Variants in HDX observed in about 807,000 individuals in gnomAD.
HDX encodes highly divergent homeobox.
A neutral mutation model predicts 45.2 loss-of-function variants in HDX; 19 were observed. That is an observed-to-expected ratio of 0.42 (90% CI 0.29 to 0.62). HDX has a LOEUF of 0.62. Among genes scored for constraint, HDX ranks in the 20% least tolerant of loss-of-function variants. The pLI, the probability that HDX is intolerant of heterozygous loss-of-function variation, is 0.20. For missense variants in HDX, 532 were observed against 493.9 expected (o/e 1.08, Z -0.73); for synonymous variants, 188 against 172.8 (o/e 1.09, Z -0.69).
intron 6 of HDX, among the ~76,000 whole-genome samples, chrX:84,356,783 T>G (rs774625409): frequency 1.8e-5 from 2 of 109,611 alleles, no homozygotes; most frequent in Non-Finnish European, 3.8e-5. Context: ...CCACCACGCC[T>G]GGCTAATTTT....
intron 4 of HDX, among the ~76,000 whole-genome samples, chrX:84,459,963 A>G (rs1277470780): frequency 1.8e-5 from 2 of 111,591 alleles, no homozygotes; most frequent in East Asian, 2.8e-4. Flanking sequence ...TTCTAGATAC[A>G]TACAACCTAC....
chrX:84,426,025 C>T lies in HDX; in HGVS notation c.1305+14507G>A, dbSNP rs892043879. On this transcript the variant is annotated intron_variant, in intron 5 of 10. Transcript: ENST00000373177. ...GAGAGTTTGGATACTCCATTCTATA[C>T]GATGTGATTATTAAGCATTGCATGC... Among the ~76,000 whole-genome samples the T allele has an allele frequency of 9.9e-5, 11 of 110,929 alleles. No homozygotes were observed. The South Asian group carries it at 1.1e-3, about 11-fold the overall frequency.
intron 9 of HDX, among the ~76,000 whole-genome samples, chrX:84,331,808 C>A (rs1192265921): frequency 9.0e-6 from 1 of 111,525 alleles, no homozygotes; most frequent in Non-Finnish European, 1.9e-5. Context: ...CAGTGACATG[C>A]TGTACAGGTT....
At chrX:84,475,951 G>A (rs1483738075) in intron 2 of HDX, among the ~76,000 whole-genome samples, 1 of 111,765 alleles carries the variant, frequency 8.9e-6, no homozygotes, top group African/African-American at 3.2e-5. Context: ...TAGTGACTGT[G>A]AACATTTCTG....
intron 4 of HDX, among the ~76,000 whole-genome samples, chrX:84,446,627 C>A (rs2039880375): frequency 9.0e-6 from 1 of 110,964 alleles, no homozygotes; most frequent in African/African-American, 3.3e-5. Flanking sequence ...AAGAAGTAAG[C>A]AAGATGAAGG....
chrX:84,356,506 A>C (rs1040284530), intron 6 of HDX, among the ~76,000 whole-genome samples: 1 of 110,873 alleles, frequency 9.0e-6, no homozygotes, highest in Non-Finnish European at 1.9e-5. Flanking sequence ...TGTATATAGT[A>C]ATGCCAAAGG....
chrX:84,423,576 CA>C (rs1300978563), intron 5 of HDX, among the ~76,000 whole-genome samples: 1 of 108,272 alleles, frequency 9.2e-6, no homozygotes, highest in East Asian at 2.9e-4. Context: ...AAAACACTAG[CA>C]AACTAAATTC....
chrX:84,422,280 G>A (rs1402123884), intron 5 of HDX, among the ~76,000 whole-genome samples: 1 of 111,990 alleles, frequency 8.9e-6, no homozygotes, highest in Non-Finnish European at 1.9e-5. Flanking sequence ...TGACATGTTG[G>A]TCAATGAAGA....
intron 2 of HDX, among the ~76,000 whole-genome samples, chrX:84,480,461 G>C (rs2040652719): frequency 9.0e-6 from 1 of 111,551 alleles, no homozygotes. Flanking sequence ...TCACCATTAA[G>C]TATGATGTTC....
chrX:84,500,313 A>G (rs2041092079), intron 1 of HDX: 1 of 110,401 alleles, frequency 9.1e-6, no homozygotes, highest in Non-Finnish European at 1.9e-5. Context: ...TTCTAGGGGA[A>G]AAAAAAAGAA....
chrX:84,421,386 G>A (rs1207782934), intron 5 of HDX, among the ~76,000 whole-genome samples: 1 of 111,385 alleles, frequency 9.0e-6, no homozygotes, highest in African/African-American at 3.3e-5. Context: ...TTATAAAATA[G>A]TATTTGAATG....
chrX:84,479,452 C>A (rs1309775092), intron 2 of HDX, among the ~76,000 whole-genome samples: 1 of 111,899 alleles, frequency 8.9e-6, no homozygotes. Context: ...GTTAATTCAT[C>A]CACTGAAGGA....
intron 4 of HDX, among the ~76,000 whole-genome samples, chrX:84,462,901 A>G (rs2040270397): frequency 9.0e-6 from 1 of 111,168 alleles, no homozygotes. Context: ...AAAACATCAT[A>G]CTAATTGAAA....
intron 5 of HDX, among the ~76,000 whole-genome samples, chrX:84,439,274 T>TAA (rs2039709028): frequency 8.9e-6 from 1 of 111,833 alleles, no homozygotes; most frequent in Admixed American, 9.5e-5. Flanking sequence ...TTGATTTGTT[T>TAA]AAGTTCCTTG....
chrX:84,420,902 C>A (rs1249012060), intron 5 of HDX, among the ~76,000 whole-genome samples: 1 of 111,737 alleles, frequency 8.9e-6, no homozygotes, highest in East Asian at 2.8e-4. Context: ...AAACTTTTAA[C>A]CTGGAATAGT....
At position 84,318,941 on chromosome X, in the gene HDX, C is replaced by A. The variant is rs1419730474; in HGVS notation, c.*2948G>T. The A allele has an allele frequency of 9.0e-6, 1 of 110,667 alleles. No individual in the cohort carries two copies. Among genetic ancestry groups the A allele is most frequent in the Non-Finnish European group, 1.9e-5 (1 of 52,417 alleles). The allele number at this position is 110,667 out of a possible 1,213,427, so 9.1% of individuals were successfully genotyped here. A position where few individuals can be genotyped will look rare whatever the true frequency, so the allele number is the denominator to read the frequency against. ...GTGCTAATTTTCCTATTCTCCAGAG[C>A]AATTGCAATTCTCATTTTCTTGTGA... is the stretch of plus-strand genomic sequence containing the variant. On this transcript the variant is annotated 3_prime_UTR_variant, in exon 11 of 11. Coordinates refer to ENST00000373177, the MANE Select transcript of HDX (RefSeq NM_001177479.2).
At chrX:84,387,621 C>T (rs1316763744) in intron 5 of HDX, among the ~76,000 whole-genome samples, 1 of 111,844 alleles carries the variant, frequency 8.9e-6, no homozygotes, top group Admixed American at 9.5e-5. Context: ...TCTGTTTTAT[C>T]TGATATAAAA....
At chrX:84,364,532 C>T (rs2037699146) in intron 5 of HDX, among the ~76,000 whole-genome samples, 1 of 80,577 alleles carries the variant, frequency 1.2e-5, no homozygotes, top group East Asian at 4.3e-4. Context: ...GATGGAGTCT[C>T]GCTCTGTCGC....
At chrX:84,471,264 G>GATA (rs1313801336) in intron 3 of HDX, among the ~76,000 whole-genome samples, 1 of 107,815 alleles carries the variant, frequency 9.3e-6, no homozygotes, top group Non-Finnish European at 1.9e-5. Flanking sequence ...TAGATAGATA[G>GATA]ATAGATAGAT....
Sources: allele counts gnomAD v4.1 joint callset (sites outside exome capture counted in the v4.1 genomes callset), GRCh38; gene constraint gnomAD v4.1.1; transcripts MANE v1.5; gene names NCBI Gene and HGNC (gene_info 2026-07-23, HGNC 2026-07-21).